The following PTPRO variants were observed in gnomAD, a reference collection of about 807,000 sequenced individuals.
PTPRO encodes the protein protein tyrosine phosphatase receptor type O, also known as receptor-type tyrosine-protein phosphatase O.
PTPRO carries 62 observed loss-of-function variants against 145.2 expected under a neutral mutation model. The ratio of observed to expected loss-of-function variants is 0.43; its 90% CI spans 0.35 to 0.53. The LOEUF (loss-of-function observed/expected upper bound fraction) is 0.53, where lower values mean the gene tolerates loss of function less well. Among genes scored for constraint, PTPRO ranks in the 20% least tolerant of loss-of-function variants. The pLI, the probability that PTPRO is intolerant of heterozygous loss-of-function variation, is 0.01. For missense variants in PTPRO, 1,345 were observed against 1,482.7 expected (o/e 0.91, Z 1.53); for synonymous variants, 565 against 514.7 (o/e 1.10, Z -1.32).
rs1043718068 is a variant in PTPRO, at chr12:15,479,894, G to A, written c.76-4080G>A. Reference sequence around the variant, plus strand: ...TCCTGTTCACTGTAGCTGAATGTGCGGAAAGACCAGGCACCCATGAGCCAA... The same window carrying A: ...TCCTGTTCACTGTAGCTGAATGTGCAGAAAGACCAGGCACCCATGAGCCAA... On this transcript the variant is annotated intron_variant, in intron 1 of 26. Coordinates refer to ENST00000281171, the MANE Select transcript of PTPRO (RefSeq NM_030667.3). 4.6e-5 allele frequency among the ~76,000 whole-genome samples: 7 copies of A among 152,138 alleles called. No individual in the cohort carries two copies. In the South Asian group the frequency reaches 8.3e-4, roughly 18 times the overall value.
At chr12:15,423,093 A>C (rs1324898485) in intron 1 of PTPRO, among the ~76,000 whole-genome samples, 1 of 152,230 alleles carries the variant, frequency 6.6e-6, no homozygotes, top group Non-Finnish European at 1.5e-5. Context: ...CTTTAGAGAA[A>C]TTGAAGCAAA....
chr12:15,503,997 A>G lies in PTPRO; in HGVS notation c.1195A>G (p.Thr399Ala). The change falls in exon 6 of 27, where the codon ACA becomes GCA. Residue 399 changes from threonine to alanine, a missense_variant. Thr to Ala is a moderately conservative substitution (Grantham distance 58, BLOSUM62 0). Around this residue, in one of 3 missense-constraint regions of PTPRO, gnomAD observed 1,130 missense variants for 1,214.7 expected, o/e 0.93. Transcript: ENST00000281171. Reference sequence around the variant, plus strand: ...ACCTGGGAAATATAAGTTATCTGTGACAACCTTTAGTTCCTCAGGATCTTG... The same window carrying G: ...ACCTGGGAAATATAAGTTATCTGTGGCAACCTTTAGTTCCTCAGGATCTTG... ...KEPGKYKLSV[T>A]TFSSSGSCET... 1 of 1,611,278 alleles carries G rather than the reference A, an allele frequency of 6.2e-7. No individual in the cohort carries two copies. The highest frequency in any genetic ancestry group is 8.5e-7 in the Non-Finnish European group (1 of 1,177,568).
intron 7 of PTPRO, among the ~76,000 whole-genome samples, chr12:15,511,755 G>A (rs1015814331): frequency 6.6e-6 from 1 of 152,040 alleles, no homozygotes; most frequent in African/African-American, 2.4e-5. Context: ...TAGTTGAGAC[G>A]GGGTTTCACC....
At chr12:15,332,100 C>T (rs1333646196) in intron 1 of PTPRO, among the ~76,000 whole-genome samples, 5 of 151,384 alleles carry the variant, frequency 3.3e-5, no homozygotes, top group African/African-American at 9.7e-5. Context: ...CAAGTGGCTG[C>T]GATTACAGGC....
chr12:15,378,266 A>C (rs1453852167), intron 1 of PTPRO, among the ~76,000 whole-genome samples: 1 of 152,074 alleles, frequency 6.6e-6, no homozygotes, highest in African/African-American at 2.4e-5. Context: ...ACCAAGAAAT[A>C]GAGCATACTC....
intron 12 of PTPRO, among the ~76,000 whole-genome samples, chr12:15,527,790 A>G (rs1391976178): frequency 1.3e-5 from 2 of 152,222 alleles, no homozygotes; most frequent in African/African-American, 4.8e-5. Context: ...AAGGCAGACA[A>G]AGGAAAGTGG....
At chr12:15,386,118 A>T (rs1471397428) in intron 1 of PTPRO, among the ~76,000 whole-genome samples, 2 of 152,114 alleles carry the variant, frequency 1.3e-5, no homozygotes, top group African/African-American at 4.8e-5. Context: ...GTCATCCAGA[A>T]CTCACAAATA....
At chr12:15,330,917 C>T (rs749760433) in intron 1 of PTPRO, among the ~76,000 whole-genome samples, 1 of 152,042 alleles carries the variant, frequency 6.6e-6, no homozygotes, top group Non-Finnish European at 1.5e-5. Flanking sequence ...TGATATAAGA[C>T]ATGGTAGGTT....
At chr12:15,350,408 T>C (rs954308740) in intron 1 of PTPRO, among the ~76,000 whole-genome samples, 1 of 152,212 alleles carries the variant, frequency 6.6e-6, no homozygotes, top group African/African-American at 2.4e-5. Flanking sequence ...CTTTAGACAC[T>C]GTTTTTAACT....
intron 7 of PTPRO, 72 bp downstream of exon 7, chr12:15,508,839 G>C (rs534649568): frequency 6.8e-7 from 1 of 1,477,750 alleles, no homozygotes; most frequent in Non-Finnish European, 9.3e-7. Flanking sequence ...ATGCCAAGGA[G>C]GCAATTGTAG....
At chr12:15,375,698 A>G (rs532980296) in intron 1 of PTPRO, among the ~76,000 whole-genome samples, 59 of 150,410 alleles carry the variant, frequency 3.9e-4, no homozygotes, top group South Asian at 1.7e-3. Context: ...AGAGGTTGCA[A>G]TGAGCTGAGA....
intron 1 of PTPRO, among the ~76,000 whole-genome samples, chr12:15,397,603 G>A (rs1381366691): frequency 6.6e-6 from 1 of 152,148 alleles, no homozygotes; most frequent in Non-Finnish European, 1.5e-5. Context: ...CTCAGTGCTG[G>A]CCCGTGGAAG....
At chr12:15,579,887 C>A in intron 20 of PTPRO, 152 bp from the exon 21 acceptor site, 3 of 657,700 alleles carry the variant, frequency 4.6e-6, no homozygotes, top group South Asian at 3.6e-5. Flanking sequence ...AACAACAAAC[C>A]AAAGTTGAAG....
intron 22 of PTPRO, 139 bp from the exon 23 acceptor site, chr12:15,581,540 A>G: frequency 1.1e-6 from 1 of 876,478 alleles, no homozygotes; most frequent in South Asian, 1.5e-5. Context: ...CGTAGCAGAA[A>G]TGGTTTGCTT....
intron 1 of PTPRO, among the ~76,000 whole-genome samples, chr12:15,355,382 C>G (rs1937952677): frequency 6.6e-6 from 1 of 152,112 alleles, no homozygotes; most frequent in South Asian, 2.1e-4. Context: ...ATTTCATGGC[C>G]TTAGTCAGGT....
intron 25 of PTPRO, among the ~76,000 whole-genome samples, chr12:15,594,347 C>A (rs1944613187): frequency 1.3e-5 from 2 of 149,272 alleles, no homozygotes; most frequent in East Asian, 2.0e-4. Context: ...ATGGGATATC[C>A]TTTTTTTTTC....
At position 15,485,543 on chromosome 12, in the gene PTPRO, A is replaced by G. The variant is rs575041636; in HGVS notation, c.349+1296A>G. Among the ~76,000 whole-genome samples the G allele has an allele frequency of 5.9e-5, 9 of 152,172 alleles. No individual in the cohort carries two copies. The South Asian group carries it at 1.9e-3, about 31-fold the overall frequency. On this transcript the variant is annotated intron_variant, in intron 2 of 26. Transcript: ENST00000281171. ...GCTTAATAGATGATCCATAAATATT[A>G]GTACAATTTAGTTGAGCAAGTAATA...
intron 8 of PTPRO, among the ~76,000 whole-genome samples, 173 bp from the exon 9 acceptor site, chr12:15,516,590 A>T (rs1425782156): frequency 1.6e-5 from 2 of 124,362 alleles, no homozygotes; most frequent in Non-Finnish European, 3.3e-5. Context: ...GGGAGGAAGG[A>T]AGGGGAGGAA....
chr12:15,428,474 T>A (rs1341515426), intron 1 of PTPRO, among the ~76,000 whole-genome samples: 1 of 152,134 alleles, frequency 6.6e-6, no homozygotes, highest in Non-Finnish European at 1.5e-5. Context: ...TACTGTGACA[T>A]AATTCAGTTT....
Sources: gnomAD v4.1 joint callset for allele counts (sites outside exome capture counted in the v4.1 genomes callset) on GRCh38, gnomAD v4.1.1 for gene constraint, gnomAD v4.1.1 regional missense constraint, MANE v1.5 for transcripts, NCBI Gene and HGNC (gene_info 2026-07-23, HGNC 2026-07-21) for gene names.